The following TGFA variants were observed in gnomAD, a reference collection of about 807,000 sequenced individuals.
The protein encoded by TGFA is protransforming growth factor alpha.
TGFA carries 12 observed loss-of-function variants against 21.7 expected under a neutral mutation model. That is an observed-to-expected ratio of 0.55 (90% CI 0.35 to 0.90). The LOEUF (loss-of-function observed/expected upper bound fraction) is 0.90, where lower values mean the gene tolerates loss of function less well. Among genes scored for constraint, TGFA ranks in the 40% least tolerant of loss-of-function variants. TGFA has a pLI of 0.01. For synonymous variants in TGFA, 79 were observed against 88.1 expected, an observed-to-expected ratio of 0.90 and a Z score of 0.58; for missense variants, 178 against 210.8, an observed-to-expected ratio of 0.84 and a Z score of 0.96.
intron 2 of TGFA, among the ~76,000 whole-genome samples, chr2:70,468,221 G>T (rs79863440): frequency 0.012 from 1,866 of 152,262 alleles, 37 homozygotes; most frequent in African/African-American, 0.042. Context: ...GTCCCCTTTA[G>T]CCCTTAATGA....
chr2:70,528,555 G>GA (rs1672713366), intron 1 of TGFA, among the ~76,000 whole-genome samples: 2 of 152,282 alleles, frequency 1.3e-5, no homozygotes, highest in South Asian at 4.2e-4. Flanking sequence ...TCATCTAGTA[G>GA]AAAGGTTGAC....
chr2:70,531,813 C>A (rs539799177), intron 1 of TGFA, among the ~76,000 whole-genome samples: 1 of 152,300 alleles, frequency 6.6e-6, no homozygotes, highest in African/African-American at 2.4e-5. Flanking sequence ...AGTATGTCAT[C>A]AATGAAAACA....
chr2:70,493,342 C>T (rs113083302), intron 2 of TGFA, among the ~76,000 whole-genome samples: 1,616 of 152,270 alleles, frequency 0.011, 41 homozygotes, highest in African/African-American at 0.037. Flanking sequence ...ATGGCCTTGA[C>T]GTGACACTAT....
intron 2 of TGFA, among the ~76,000 whole-genome samples, chr2:70,478,984 C>G (rs1241590921): frequency 6.6e-6 from 1 of 152,084 alleles, no homozygotes; most frequent in African/African-American, 2.4e-5. Flanking sequence ...ATGCTTACTT[C>G]CTCCTTCTTT....
At position 70,456,639 on chromosome 2, in the gene TGFA, G is replaced by A. The variant is rs980871148; in HGVS notation, c.216-151C>T. ...TTTGCAATTGGAGGGAAAGGTGTCA[G>A]CAAAATGCCTGTTTCCCTGTCGCAG... On this transcript the variant is annotated intron_variant, in intron 3 of 5. Coordinates refer to ENST00000295400, the MANE Select transcript of TGFA (RefSeq NM_003236.4). 8 of 896,956 alleles carry A rather than the reference G, an allele frequency of 8.9e-6. No homozygotes were observed. In the African/African-American group the frequency reaches 1.4e-4, roughly 15 times the overall value. The allele number at this position is 896,956 out of a possible 1,614,324, so 55.6% of individuals were successfully genotyped here.
At position 70,504,433 on chromosome 2, in the gene TGFA, AATATATATAT is replaced by A. The variant is rs200901290; in HGVS notation, c.94+10416_94+10425del. 3.9e-3 allele frequency among the ~76,000 whole-genome samples: 244 copies of A among 62,448 alleles called. 6 individuals are homozygous for A. The highest frequency in any genetic ancestry group is 0.014 in the Middle Eastern group (2 of 140). 41.0% of individuals were successfully genotyped at this position (62,448 alleles called of 152,430 possible). ...CCAAAACCAAAAACAAAACAAAACA[AATATATATAT>A]ATATATATATATATATATATACACA... On this transcript the variant is annotated intron_variant, in intron 2 of 5. Transcript: ENST00000295400.
chr2:70,492,076 G>A (rs572518519), intron 2 of TGFA, among the ~76,000 whole-genome samples: 1 of 152,304 alleles, frequency 6.6e-6, no homozygotes, highest in South Asian at 2.1e-4. Context: ...AGACCTGCAT[G>A]AGGTCTAAGA....
intron 1 of TGFA, among the ~76,000 whole-genome samples, chr2:70,546,068 C>T (rs1553505849): frequency 6.6e-6 from 1 of 152,148 alleles, no homozygotes; most frequent in African/African-American, 2.4e-5. Context: ...ATCTAACTTA[C>T]AGTGTTATGG....
At chr2:70,538,651 CAATTTCAAT>C (rs1333963299) in intron 1 of TGFA, among the ~76,000 whole-genome samples, 4 of 152,140 alleles carry the variant, frequency 2.6e-5, no homozygotes, top group Admixed American at 1.3e-4. Flanking sequence ...TGAATTGCTG[CAATTTCAAT>C]AAAATTTGAA....
At chr2:70,508,216 G>T (rs782740722) in intron 2 of TGFA, among the ~76,000 whole-genome samples, 1 of 152,164 alleles carries the variant, frequency 6.6e-6, no homozygotes, top group African/African-American at 2.4e-5. Context: ...ACGCTGAGGC[G>T]GGTGGATCAT....
intron 1 of TGFA, among the ~76,000 whole-genome samples, chr2:70,526,338 G>C (rs1426511411): frequency 3.9e-5 from 6 of 152,186 alleles, no homozygotes; most frequent in Admixed American, 3.3e-4. Context: ...GTTCCAATGA[G>C]ACTCGGAAGC....
intron 1 of TGFA, among the ~76,000 whole-genome samples, chr2:70,532,485 A>G (rs1268244806): frequency 1.3e-5 from 2 of 152,230 alleles, no homozygotes; most frequent in East Asian, 1.9e-4. Context: ...CTCAGGGAAG[A>G]GGAGCATGCA....
Position 70,532,394 on chromosome 2 carries a change from C to G in TGFA, c.41-17482G>C, listed in dbSNP as rs373545615. Reference sequence around the variant, plus strand: ...GGGAGGCCATTCATCTACTTTTGCTCTGCCCCAGTGGAGTCAGATGACATC... The same window carrying G: ...GGGAGGCCATTCATCTACTTTTGCTGTGCCCCAGTGGAGTCAGATGACATC... On this transcript the variant is annotated intron_variant, in intron 1 of 5. Coordinates refer to ENST00000295400, the MANE Select transcript of TGFA (RefSeq NM_003236.4). Among the ~76,000 whole-genome samples, 44 of 152,312 alleles carry G rather than the reference C, an allele frequency of 2.9e-4. No homozygotes were observed. In the East Asian group the frequency reaches 3.3e-3, roughly 11 times the overall value.
At chr2:70,527,954 G>C (rs1028821590) in intron 1 of TGFA, among the ~76,000 whole-genome samples, 18 of 152,202 alleles carry the variant, frequency 1.2e-4, no homozygotes, top group Admixed American at 3.3e-4. Flanking sequence ...GAAATGCAGA[G>C]GAGACACTGC....
chr2:70,453,077 A>T, intron 5 of TGFA, 141 bp downstream of exon 5: 1 of 750,934 alleles, frequency 1.3e-6, no homozygotes, highest in Non-Finnish European at 2.1e-6. Context: ...AATAAACTAA[A>T]CCTGACTTGG....
intron 2 of TGFA, among the ~76,000 whole-genome samples, chr2:70,485,535 A>G (rs1671248109): frequency 6.6e-6 from 1 of 152,218 alleles, no homozygotes; most frequent in Non-Finnish European, 1.5e-5. Flanking sequence ...TTATGAAATT[A>G]GAAAATAAAT....
chr2:70,482,111 ATTTTT>A (rs35836290), intron 2 of TGFA, among the ~76,000 whole-genome samples: 1 of 147,962 alleles, frequency 6.8e-6, no homozygotes, highest in Admixed American at 6.7e-5. Context: ...GAAAATTCTG[ATTTTT>A]TTTTTTTTTA....
At chr2:70,499,386 C>T (rs1671671730) in intron 2 of TGFA, among the ~76,000 whole-genome samples, 1 of 152,226 alleles carries the variant, frequency 6.6e-6, no homozygotes, top group African/African-American at 2.4e-5. Context: ...ATCAGTTTTC[C>T]TGGGGAGTAT....
intron 1 of TGFA, among the ~76,000 whole-genome samples, chr2:70,529,329 C>T (rs10197410): frequency 0.012 from 1,826 of 152,322 alleles, 37 homozygotes; most frequent in African/African-American, 0.041. Context: ...TGAGCAGCAG[C>T]ACTTTATAAG....
Sources: gnomAD v4.1 joint callset for allele counts (sites outside exome capture counted in the v4.1 genomes callset) on GRCh38, gnomAD v4.1.1 for gene constraint, MANE v1.5 for transcripts, NCBI Gene and HGNC (gene_info 2026-07-23, HGNC 2026-07-21) for gene names.